The following TIMM23 variants were observed in gnomAD, a reference collection of about 807,000 sequenced individuals.
TIMM23 encodes the protein translocase of inner mitochondrial membrane 23.
A neutral mutation model predicts 30.7 loss-of-function variants in TIMM23; 19 were observed. The ratio of observed to expected loss-of-function variants is 0.62; its 90% CI spans 0.43 to 0.91. TIMM23 has a LOEUF of 0.91. Ranked by LOEUF, TIMM23 falls within the 40% of genes least tolerant of loss-of-function variation. The pLI is 0.00. For synonymous variants in TIMM23, 78 were observed against 98.5 expected (o/e 0.79, Z 1.23); for missense variants, 202 against 269.2 (o/e 0.75, Z 1.75).
At chr10:45,974,615 T>G (rs1422768318) in intron 1 of TIMM23, among the ~76,000 whole-genome samples, 1 of 152,216 alleles carries the variant, frequency 6.6e-6, no homozygotes, top group Non-Finnish European at 1.5e-5. Context: ...CAAATCACTG[T>G]AGTTGCTATG....
intron 6 of TIMM23, among the ~76,000 whole-genome samples, chr10:46,000,161 T>C (rs1415852243): frequency 6.6e-6 from 1 of 152,200 alleles, no homozygotes; most frequent in Non-Finnish European, 1.5e-5. Context: ...CTTCCTCAGC[T>C]GACAGGATTA....
At chr10:45,983,404 A>C (rs1837902919) in intron 4 of TIMM23, among the ~76,000 whole-genome samples, 1 of 152,224 alleles carries the variant, frequency 6.6e-6, no homozygotes, top group African/African-American at 2.4e-5. Flanking sequence ...TTTTAAATAA[A>C]ATTTTTAGAA....
intron 6 of TIMM23, among the ~76,000 whole-genome samples, chr10:46,001,737 A>G (rs1165575986): frequency 1.3e-5 from 2 of 152,146 alleles, no homozygotes; most frequent in Admixed American, 6.5e-5. Flanking sequence ...ATCCCTACTC[A>G]TGGAGCTGCT....
intron 5 of TIMM23, among the ~76,000 whole-genome samples, chr10:45,987,178 T>A (rs1193594722): frequency 1.3e-5 from 2 of 152,024 alleles, no homozygotes; most frequent in Non-Finnish European, 2.9e-5. Flanking sequence ...GATCATTCCA[T>A]GTATATCTTT....
At chr10:46,002,545 T>G in intron 6 of TIMM23, 2 of 969,328 alleles carry the variant, frequency 2.1e-6, no homozygotes, top group Non-Finnish European at 2.5e-6. Context: ...CCAAATAGGG[T>G]GTCACCTTGT....
chr10:45,996,469 G>T (rs1426839778), intron 6 of TIMM23, among the ~76,000 whole-genome samples: 1 of 150,518 alleles, frequency 6.6e-6, no homozygotes, highest in Non-Finnish European at 1.5e-5. Flanking sequence ...GGGGTATGAT[G>T]ATTATCAATT....
chr10:45,975,548 T>G, intron 2 of TIMM23, 36 bp downstream of exon 2: 1 of 1,612,838 alleles, frequency 6.2e-7, no homozygotes, highest in Non-Finnish European at 8.5e-7. Context: ...GTGCATTATT[T>G]TACCATTTTA....
At chr10:45,988,068 T>C (rs1838048477) in intron 5 of TIMM23, among the ~76,000 whole-genome samples, 1 of 152,226 alleles carries the variant, frequency 6.6e-6, no homozygotes, top group African/African-American at 2.4e-5. Flanking sequence ...TTTCTCACTT[T>C]CCTGCAAGTC....
chr10:45,977,211 CT>C (rs1837699964), intron 2 of TIMM23, among the ~76,000 whole-genome samples: 1 of 148,782 alleles, frequency 6.7e-6, no homozygotes, highest in Non-Finnish European at 1.5e-5. Flanking sequence ...TCCCAGCTGG[CT>C]TTTTTGCAGA....
At chr10:45,976,687 A>G (rs1350497389) in intron 2 of TIMM23, among the ~76,000 whole-genome samples, 1 of 152,060 alleles carries the variant, frequency 6.6e-6, no homozygotes, top group Non-Finnish European at 1.5e-5. Flanking sequence ...CAAAGCTAAC[A>G]TAATTTAATG....
At chr10:45,990,210 C>G (rs1838119778) in intron 6 of TIMM23, among the ~76,000 whole-genome samples, 1 of 151,324 alleles carries the variant, frequency 6.6e-6, no homozygotes, top group Non-Finnish European at 1.5e-5. Context: ...GCAACCTCCA[C>G]CTCCTGGGAT....
At chr10:45,993,086 A>C (rs2813147) in intron 6 of TIMM23, among the ~76,000 whole-genome samples, 547 of 152,242 alleles carry the variant, frequency 3.6e-3, no homozygotes, top group African/African-American at 0.011. Flanking sequence ...TAAACACTGT[A>C]GTACATACAG....
At position 46,003,229 on chromosome 10, in the gene TIMM23, G is replaced by A. The variant is rs1189460755; in HGVS notation, c.541G>A (p.Gly181Ser). The A allele has an allele frequency of 6.2e-7, 1 of 1,614,014 alleles. No individual in the cohort carries two copies. The highest frequency in any genetic ancestry group is 1.1e-5 in the South Asian group (1 of 91,070). Residue 181 changes from glycine (G) to serine (S), a missense_variant, in exon 7 of 7, where the codon GGT (glycine) becomes AGT (serine). Physicochemically the swap from Gly to Ser is moderately conservative, Grantham distance 56. Coordinates refer to ENST00000580018, the MANE Select transcript of TIMM23 (RefSeq NM_006327.4). ...TGGTCTTCGAGGGATAGCACGAGGT[G>A]GTCTGACAGGACTAACACTTACCAG... is the stretch of plus-strand genomic sequence containing the variant. The part of the protein sequence containing the change: ...TGGLRGIARG[G>S]LTGLTLTSLY...
chr10:45,982,596 T>C lies in TIMM23; in HGVS notation c.239T>C (p.Ile80Thr). 1.2e-6 allele frequency: 2 copies of C among 1,613,898 alleles called. No individual in the cohort carries two copies. The highest frequency in any genetic ancestry group is 2.2e-5 in the South Asian group (2 of 91,066). Reference protein sequence around the residue: ...RGRFELAFFTIGGCCMTGAAF... With the variant: ...RGRFELAFFTTGGCCMTGAAF... ...AGATTTGAGCTGGCCTTCTTTACGA[T>C]TGGAGGATGTTGCATGACAGGTGAG... Residue 80 changes from isoleucine to threonine, a missense_variant, in exon 3 of 7, where the codon ATT (isoleucine) becomes ACT (threonine). Coordinates refer to ENST00000580018, the MANE Select transcript of TIMM23 (RefSeq NM_006327.4).
intron 6 of TIMM23, among the ~76,000 whole-genome samples, chr10:45,993,240 A>G (rs1554916133): frequency 4.7e-5 from 2 of 42,972 alleles, no homozygotes; most frequent in East Asian, 7.1e-4. Context: ...AGCATCTACC[A>G]TCACTTTTTT....
At chr10:46,001,760 A>AT (rs1838546051) in intron 6 of TIMM23, among the ~76,000 whole-genome samples, 1 of 152,082 alleles carries the variant, frequency 6.6e-6, no homozygotes, top group African/African-American at 2.4e-5. Context: ...AGGACTTCAC[A>AT]TTTTTTAAAA....
At chr10:45,984,951 T>C (rs1275520492) in intron 4 of TIMM23, 1 of 187,952 alleles carries the variant, frequency 5.3e-6, no homozygotes, top group Non-Finnish European at 1.1e-5. Flanking sequence ...ATTCTAAGCA[T>C]ATGTTCCCCT....
In TIMM23 at chr10:45,985,460, T is replaced by C. The variant is rs2132258966; in HGVS notation, c.403+19T>C. On this transcript the variant is annotated intron_variant, in intron 5 of 6. Coordinates refer to ENST00000580018, the MANE Select transcript of TIMM23 (RefSeq NM_006327.4). Reference sequence around the variant, plus strand: ...TCTCTGGGTAAGTAGAGATCTCATTTGATAATAAATTGTTAAAGAAAGAAT... The same window carrying C: ...TCTCTGGGTAAGTAGAGATCTCATTCGATAATAAATTGTTAAAGAAAGAAT... 6.2e-7 allele frequency: 1 copy of C among 1,613,318 alleles called. No homozygotes were observed. The highest frequency in any genetic ancestry group is 8.5e-7 in the Non-Finnish European group (1 of 1,179,388).
intron 2 of TIMM23, among the ~76,000 whole-genome samples, chr10:45,980,552 T>G (rs1398336045): frequency 6.6e-6 from 1 of 152,108 alleles, no homozygotes; most frequent in Non-Finnish European, 1.5e-5. Context: ...ATAAGGAAAA[T>G]TTAAATATTT....
Sources: allele counts gnomAD v4.1 joint callset (sites outside exome capture counted in the v4.1 genomes callset), GRCh38; gene constraint gnomAD v4.1.1; transcripts MANE v1.5; gene names NCBI Gene and HGNC (gene_info 2026-07-23, HGNC 2026-07-21).